CADM2: variants seen among roughly 807,000 people sequenced by gnomAD.
The protein encoded by CADM2 is cell adhesion molecule 2.
In CADM2, 12 loss-of-function variants were observed where a neutral mutation model predicts 49.8. The observed-to-expected ratio is 0.24, with a 90% confidence interval of 0.15 to 0.39. The LOEUF (loss-of-function observed/expected upper bound fraction) is 0.39, where lower values mean the gene tolerates loss of function less well. Ranked by LOEUF, CADM2 falls within the 10% of genes least tolerant of loss-of-function variation. The probability of loss-of-function intolerance (pLI) is 1.00; values close to 1 mark genes in which losing one functional copy is unlikely to be tolerated. For missense variants in CADM2, 378 were observed against 492.3 expected (o/e 0.77, Z 2.20); for synonymous variants, 214 against 175.4 (o/e 1.22, Z -1.74).
intron 1 of CADM2, among the ~76,000 whole-genome samples, chr3:85,201,731 A>G (rs1397872458): frequency 6.6e-6 from 1 of 152,190 alleles, no homozygotes; most frequent in Non-Finnish European, 1.5e-5. Flanking sequence ...GGTTCACAGC[A>G]TCTCCATCTG....
chr3:85,577,972 C>T (rs1257371184), intron 1 of CADM2, among the ~76,000 whole-genome samples: 1 of 139,870 alleles, frequency 7.1e-6, no homozygotes, highest in African/African-American at 2.6e-5. Flanking sequence ...TATAATCTTA[C>T]CTATTAATCT....
At chr3:85,612,525 T>C (rs1009570570) in intron 1 of CADM2, among the ~76,000 whole-genome samples, 9 of 151,874 alleles carry the variant, frequency 5.9e-5, no homozygotes, top group African/African-American at 2.2e-4. Context: ...ACGTTTGGAA[T>C]CATTCATACA....
chr3:85,784,389 T>C (rs535806590), intron 2 of CADM2, among the ~76,000 whole-genome samples: 1 of 133,372 alleles, frequency 7.5e-6, no homozygotes, highest in South Asian at 2.6e-4. Flanking sequence ...GGAATTTTAG[T>C]AATGACAATG....
At chr3:85,144,837 A>T (rs183910007) in intron 1 of CADM2, among the ~76,000 whole-genome samples, 4 of 152,184 alleles carry the variant, frequency 2.6e-5, no homozygotes, top group Non-Finnish European at 4.4e-5. Context: ...AGATAGATAA[A>T]TATAATCACA....
At chr3:85,648,144 C>G (rs190224344) in intron 1 of CADM2, among the ~76,000 whole-genome samples, 3 of 152,018 alleles carry the variant, frequency 2.0e-5, no homozygotes, top group Admixed American at 2.0e-4. Context: ...AAAGCCAGTT[C>G]ACAAAGTTAA....
chr3:85,425,500 G>A (rs568623523), intron 1 of CADM2, among the ~76,000 whole-genome samples: 8 of 152,110 alleles, frequency 5.3e-5, no homozygotes, highest in Non-Finnish European at 1.0e-4. Flanking sequence ...TTTTGTGTGT[G>A]TTTGGAACAT....
chr3:85,280,660 T>A (rs895264917), intron 1 of CADM2, among the ~76,000 whole-genome samples: 7 of 151,860 alleles, frequency 4.6e-5, no homozygotes, highest in Non-Finnish European at 1.0e-4. Context: ...TTAAAAAAAC[T>A]TATTAAAATT....
intron 1 of CADM2, among the ~76,000 whole-genome samples, chr3:85,300,520 C>A (rs2044071560): frequency 6.6e-6 from 1 of 151,808 alleles, no homozygotes; most frequent in African/African-American, 2.4e-5. Flanking sequence ...TCTTCTGTAC[C>A]CAAATAATGT....
intron 1 of CADM2, among the ~76,000 whole-genome samples, chr3:85,407,238 G>T (rs2035427222): frequency 6.6e-6 from 1 of 151,964 alleles, no homozygotes; most frequent in Non-Finnish European, 1.5e-5. Flanking sequence ...CATGCCCTCA[G>T]TTAGAGCTAT....
intron 8 of CADM2, among the ~76,000 whole-genome samples, chr3:86,064,646 G>GA (rs942085645): frequency 1.3e-5 from 2 of 152,026 alleles, no homozygotes; most frequent in Non-Finnish European, 2.9e-5. Flanking sequence ...CTTCCACAAT[G>GA]AAAAAATGCT....
At chr3:85,519,228 G>A (rs1196907522) in intron 1 of CADM2, among the ~76,000 whole-genome samples, 4 of 151,966 alleles carry the variant, frequency 2.6e-5, no homozygotes, top group East Asian at 1.9e-4. Context: ...CAAGCACCCC[G>A]TTTTTGCCTT....
chr3:85,768,852 CAT>C (rs1336871110), intron 2 of CADM2, among the ~76,000 whole-genome samples: 1 of 202 alleles, frequency 5.0e-3, no homozygotes, highest in African/African-American at 0.029. Flanking sequence ...TATATATACA[CAT>C]ATATACATAT....
intron 8 of CADM2, among the ~76,000 whole-genome samples, chr3:85,963,316 A>C (rs1725072907): frequency 6.6e-6 from 1 of 151,958 alleles, no homozygotes; most frequent in Admixed American, 6.6e-5. Context: ...ATCCAATTAG[A>C]CTGATAAATT....
At position 85,248,556 on chromosome 3, in the gene CADM2, G is replaced by A. The variant is rs9855964; in HGVS notation, c.61+288888G>A. 4.9e-3 allele frequency among the ~76,000 whole-genome samples: 745 copies of A among 152,210 alleles called. 5 individuals carry two copies. Among genetic ancestry groups the A allele is most frequent in the Middle Eastern group, 0.024 (7 of 294 alleles). ...TTCCCAATTTGCTAGGATTACAGGC[G>A]TGAGCAAACACGCCCAGCCTACATA... On this transcript the variant is annotated intron_variant, in intron 1 of 9. Coordinates refer to ENST00000383699, the MANE Select transcript of CADM2 (RefSeq NM_001167675.2).
Position 85,912,411 on chromosome 3 carries a change from A to G in CADM2, c.568A>G (p.Thr190Ala), listed in dbSNP as rs1240659424. 1 of 1,613,058 alleles carries G rather than the reference A, an allele frequency of 6.2e-7. No homozygotes were observed. Among genetic ancestry groups the G allele is most frequent in the Non-Finnish European group, 8.5e-7 (1 of 1,179,550 alleles). Reference sequence around the variant, plus strand: ...AAAAGAAGAGGATGCAAATCGCAAGACATTCACTGTCAGCAGCACACTGGA... The same window carrying G: ...AAAAGAAGAGGATGCAAATCGCAAGGCATTCACTGTCAGCAGCACACTGGA... Reference protein sequence around the residue: ...YLKEEDANRKTFTVSSTLDFR... With the variant: ...YLKEEDANRKAFTVSSTLDFR... The change falls in exon 6 of 10, where the codon ACA becomes GCA. Residue 190 changes from threonine to alanine, a missense_variant. Transcript: ENST00000383699.
At chr3:85,301,618 G>C (rs1005242381) in intron 1 of CADM2, among the ~76,000 whole-genome samples, 2 of 152,004 alleles carry the variant, frequency 1.3e-5, no homozygotes, top group Non-Finnish European at 2.9e-5. Context: ...CTTCACATGT[G>C]ATGTTATTTA....
intron 2 of CADM2, among the ~76,000 whole-genome samples, chr3:85,743,182 T>C (rs1397174285): frequency 6.6e-6 from 1 of 152,172 alleles, no homozygotes; most frequent in Non-Finnish European, 1.5e-5. Context: ...ATTTTCAGCC[T>C]ACTGTGCTTC....
chr3:85,256,743 G>A (rs996207109), intron 1 of CADM2, among the ~76,000 whole-genome samples: 2 of 152,104 alleles, frequency 1.3e-5, no homozygotes, highest in African/African-American at 2.4e-5. Flanking sequence ...CATGTTTAGC[G>A]CACACCGTCC....
chr3:85,198,680 G>A (rs963661485), intron 1 of CADM2, among the ~76,000 whole-genome samples: 1 of 151,730 alleles, frequency 6.6e-6, no homozygotes, highest in Non-Finnish European at 1.5e-5. Flanking sequence ...TTTATCAAAT[G>A]TGCATACATA....
Sources: gnomAD v4.1 joint callset for allele counts (sites outside exome capture counted in the v4.1 genomes callset) on GRCh38, gnomAD v4.1.1 for gene constraint, MANE v1.5 for transcripts, NCBI Gene and HGNC (gene_info 2026-07-23, HGNC 2026-07-21) for gene names.